SP2: variants seen among roughly 807,000 people sequenced by gnomAD.
The protein encoded by SP2 is Sp2 transcription factor.
SP2 carries 9 observed loss-of-function variants against 50.1 expected under a neutral mutation model. The observed-to-expected ratio is 0.18, with a 90% CI of 0.11 to 0.31. The LOEUF (loss-of-function observed/expected upper bound fraction) is 0.31. SP2 is among the 10% of genes least tolerant of loss of function. The probability of loss-of-function intolerance (pLI) is 1.00; values close to 1 mark genes in which losing one functional copy is unlikely to be tolerated. For synonymous variants in SP2, 313 were observed against 326.6 expected (o/e 0.96, Z 0.45); for missense variants, 581 against 806.5 (o/e 0.72, Z 3.39).
chr17:47,931,418 G>A (rs771498733), downstream of SP2, among the ~76,000 whole-genome samples: 10 of 152,174 alleles, frequency 6.6e-5, no homozygotes, highest in Non-Finnish European at 1.0e-4. Context: ...CAGTGCTGAT[G>A]TTACAGCCTG....
At position 47,927,928 on chromosome 17, in the gene SP2, C is replaced by A; in HGVS notation, c.*104C>A. 1.4e-6 allele frequency: 1 copy of A among 705,446 alleles called. No individual in the cohort carries two copies. Among genetic ancestry groups the A allele is most frequent in the Non-Finnish European group, 2.6e-6 (1 of 391,036 alleles). The allele number at this position is 705,446 out of a possible 1,614,324, so 43.7% of individuals were successfully genotyped here. A position where few individuals can be genotyped will look rare whatever the true frequency, so the allele number is the denominator to read the frequency against. ...GTGGCTGCCTTGGGCCTGCCCTCAG[C>A]CCCACTCCTGTTCTGCAACTGTCCC... On this transcript the variant is annotated 3_prime_UTR_variant, in exon 7 of 7. Coordinates refer to ENST00000376741, the MANE Select transcript of SP2 (RefSeq NM_003110.6).
At chr17:47,901,214 C>T (rs761684627) in intron 1 of SP2, among the ~76,000 whole-genome samples, 7 of 151,098 alleles carry the variant, frequency 4.6e-5, no homozygotes, top group Non-Finnish European at 7.4e-5. Context: ...ATGGCGCAAT[C>T]TTGGCTCACT....
intron 1 of SP2, among the ~76,000 whole-genome samples, chr17:47,904,729 G>A (rs1050251353): frequency 6.6e-6 from 1 of 151,862 alleles, no homozygotes; most frequent in Non-Finnish European, 1.5e-5. Context: ...CTGTTAATGG[G>A]CTCTTTTACC....
chr17:47,900,939 A>T lies in SP2; in HGVS notation c.7+4646A>T, dbSNP rs568966091. Among the ~76,000 whole-genome samples, 4 of 152,244 alleles carry T rather than the reference A, an allele frequency of 2.6e-5. No homozygotes were observed. The South Asian group carries it at 8.3e-4, about 32-fold the overall frequency. On this transcript the variant is annotated intron_variant, in intron 1 of 6. Transcript: ENST00000376741. Reference sequence around the variant, plus strand: ...TTCTGAGGCCCAGTATTCTTTGACAAAAAAACTTGATGCTGTTTCTTGGGC... The same window carrying T: ...TTCTGAGGCCCAGTATTCTTTGACATAAAAACTTGATGCTGTTTCTTGGGC...
At chr17:47,918,214 T>C (rs1018696989) in intron 3 of SP2, among the ~76,000 whole-genome samples, 1 of 152,122 alleles carries the variant, frequency 6.6e-6, no homozygotes, top group Non-Finnish European at 1.5e-5. Context: ...TGGGAAGTTG[T>C]GTAATTTCCT....
intron 4 of SP2, among the ~76,000 whole-genome samples, chr17:47,923,973 T>G (rs532873976): frequency 6.6e-6 from 1 of 152,160 alleles, no homozygotes; most frequent in East Asian, 1.9e-4. Context: ...ATGCTGGGAT[T>G]ACAGGTGTGA....
chr17:47,931,096 CT>C (rs764816911), downstream of SP2, among the ~76,000 whole-genome samples: 1 of 152,052 alleles, frequency 6.6e-6, no homozygotes, highest in African/African-American at 2.4e-5. Flanking sequence ...AATCCCAGCA[CT>C]TTGGGAGGCC....
Position 47,916,250 on chromosome 17 carries a change from C to A in SP2, c.179C>A (p.Pro60Gln), listed in dbSNP as rs761359338. Reference protein sequence around the residue: ...VEAAVTPPAPPQPTPRKLVPI... With the variant: ...VEAAVTPPAPQQPTPRKLVPI... ...GCTGCTGTGACACCTCCTGCTCCCC[C>A]ACAGCCCACACCGCGGAAACTTGTC... The change falls in exon 3 of 7, where the codon CCA becomes CAA. Residue 60 changes from proline to glutamine, a missense_variant. Pro to Gln is a moderately conservative substitution (Grantham distance 76, BLOSUM62 -1). This residue lies in a region of SP2 where 397 missense variants were observed against 491.0 expected (regional missense o/e 0.81). Coordinates refer to ENST00000376741, the MANE Select transcript of SP2 (RefSeq NM_003110.6). The surrounding 1 kb of genome is among the most constrained non-coding windows in gnomAD (Gnocchi z 4.7). 2 of 1,614,022 alleles carry A rather than the reference C, an allele frequency of 1.2e-6. No homozygotes were observed. Among genetic ancestry groups the A allele is most frequent in the African/African-American group, 2.7e-5 (2 of 74,892 alleles).
At position 47,916,588 on chromosome 17, in the gene SP2, A is replaced by T. The variant is rs1282651268; in HGVS notation, c.517A>T (p.Ser173Cys). The T allele has an allele frequency of 6.2e-7, 1 of 1,614,164 alleles. No homozygotes were observed. The highest frequency in any genetic ancestry group is 1.1e-5 in the South Asian group (1 of 91,076). Residue 173 changes from serine (S) to cysteine (C), a missense_variant, in exon 3 of 7, where the codon AGT becomes TGT. Around this residue, in one of 2 missense-constraint regions of SP2, gnomAD observed 397 missense variants for 491.0 expected, o/e 0.81. Transcript: ENST00000376741. The surrounding 1 kb of genome is among the most constrained non-coding windows in gnomAD (Gnocchi z 4.7). ...AGCCATCATCACCCCCTCACCGTCC[A>T]GTCACAAGCCTGTCCCCATCAAGCC... Reference protein sequence around the residue: ...NQAIITPSPSSHKPVPIKPAP... With the variant: ...NQAIITPSPSCHKPVPIKPAP...
chr17:47,907,839 A>G (rs2034823750), intron 1 of SP2, among the ~76,000 whole-genome samples: 1 of 152,226 alleles, frequency 6.6e-6, no homozygotes, highest in South Asian at 2.1e-4. Context: ...AAAGTTCCAA[A>G]TTAATGAGGT....
At chr17:47,918,955 C>T (rs1174164480) in intron 3 of SP2, among the ~76,000 whole-genome samples, 1 of 152,148 alleles carries the variant, frequency 6.6e-6, no homozygotes, top group Non-Finnish European at 1.5e-5. Flanking sequence ...AAAATATTTA[C>T]TCTCCGGCCC....
At chr17:47,919,754 T>A (rs1248360221) in intron 3 of SP2, among the ~76,000 whole-genome samples, 6 of 151,110 alleles carry the variant, frequency 4.0e-5, no homozygotes, top group Admixed American at 4.0e-4. Flanking sequence ...GGCAAAAGGA[T>A]CTGATCCAAT....
chr17:47,924,959 C>T lies in SP2; in HGVS notation c.1413C>T (p.Asn471=). 1.9e-6 allele frequency: 3 copies of T among 1,612,696 alleles called. No homozygotes were observed. The highest frequency in any genetic ancestry group is 2.5e-6 in the Non-Finnish European group (3 of 1,178,964). The part of the protein sequence containing the change: ...QLTVQNVSGN[N]LTISGLSPTQ... ...CAGTGCAGAATGTTTCTGGGAACAA[C>T]CTGACCATCAGTGGGCTGAGCCCCA... Residue 471 remains asparagine, a synonymous_variant, in exon 5 of 7, where the codon AAC becomes AAT. Transcript: ENST00000376741.
intron 1 of SP2, among the ~76,000 whole-genome samples, chr17:47,913,668 A>G (rs933241514): frequency 6.6e-6 from 1 of 152,144 alleles, no homozygotes; most frequent in Non-Finnish European, 1.5e-5. Flanking sequence ...TCGGCTTCCC[A>G]AAGTGTTAGG....
chr17:47,897,910 C>A (rs982279606), intron 1 of SP2: 2 of 978,002 alleles, frequency 2.0e-6, no homozygotes, highest in Non-Finnish European at 2.4e-6. Context: ...AATGGATTAT[C>A]ATTGGCTGGG....
intron 1 of SP2, among the ~76,000 whole-genome samples, chr17:47,902,328 A>G (rs368290944): frequency 1.4e-4 from 21 of 152,288 alleles, no homozygotes; most frequent in African/African-American, 4.3e-4. Flanking sequence ...TTGTGTCACA[A>G]TGGAGATTTT....
At chr17:47,898,391 G>A (rs572332050) in intron 1 of SP2, 1 of 152,298 alleles carries the variant, frequency 6.6e-6, no homozygotes, top group South Asian at 2.1e-4. Context: ...TGGAGAAGTT[G>A]AACAGTCCTT....
chr17:47,923,194 C>T lies in SP2; in HGVS notation c.1292C>T (p.Ala431Val). Residue 431 changes from alanine to valine, a missense_variant, in exon 4 of 7, where the codon GCA becomes GTA. Ala to Val is a moderately conservative substitution (Grantham distance 64). This residue lies in a region of SP2 where 184 missense variants were observed against 315.5 expected (regional missense o/e 0.58). Coordinates refer to ENST00000376741, the MANE Select transcript of SP2 (RefSeq NM_003110.6). The part of the protein sequence containing the change: ...IISLNAAQLA[A>V]AAQAMQTINI... ...AGCCTGAATGCAGCCCAGTTGGCGGCAGCTGCCCAGGCAATGCAGACCATC... is the reference window on the plus strand; with the variant it reads ...AGCCTGAATGCAGCCCAGTTGGCGGTAGCTGCCCAGGCAATGCAGACCATC... 6.2e-7 allele frequency: 1 copy of T among 1,613,760 alleles called. No individual in the cohort carries two copies. The highest frequency in any genetic ancestry group is 1.3e-5 in the African/African-American group (1 of 75,072).
chr17:47,907,663 A>C (rs1598116759), intron 1 of SP2, among the ~76,000 whole-genome samples: 2 of 152,306 alleles, frequency 1.3e-5, no homozygotes, highest in East Asian at 3.9e-4. Flanking sequence ...CCGGATGTAA[A>C]CTACTGTTAA....
Sources: gnomAD v4.1 joint callset for allele counts (sites outside exome capture counted in the v4.1 genomes callset) on GRCh38, gnomAD v4.1.1 for gene constraint, gnomAD v4.1.1 regional missense constraint, Gnocchi (gnomAD v3.1) non-coding constraint, MANE v1.5 for transcripts, NCBI Gene and HGNC (gene_info 2026-07-23, HGNC 2026-07-21) for gene names.